GRB10: variants seen among roughly 807,000 people sequenced by gnomAD.
GRB10 encodes growth factor receptor bound protein 10, also known as growth factor receptor-bound protein 10.
In GRB10, 20 loss-of-function variants were observed where a neutral mutation model predicts 80.9. The ratio of observed to expected loss-of-function variants is 0.25; its 90% CI spans 0.17 to 0.36. The LOEUF (loss-of-function observed/expected upper bound fraction) is 0.36. GRB10 is among the 10% of genes least tolerant of loss of function. The pLI, the probability that GRB10 is intolerant of heterozygous loss-of-function variation, is 1.00. For synonymous variants in GRB10, 291 were observed against 291.5 expected (o/e 1.00, Z 0.02); for missense variants, 548 against 747.7 (o/e 0.73, Z 3.12).
intron 3 of GRB10, among the ~76,000 whole-genome samples, chr7:50,743,214 T>G (rs925613291): frequency 6.6e-6 from 1 of 152,204 alleles, no homozygotes; most frequent in Non-Finnish European, 1.5e-5. Context: ...TGCACATTAT[T>G]AGGTACAAGG....
chr7:50,759,671 C>T (rs540440735), intron 2 of GRB10, among the ~76,000 whole-genome samples: 74 of 152,170 alleles, frequency 4.9e-4, no homozygotes, highest in Middle Eastern at 3.4e-3. Context: ...TTAGTTGAAT[C>T]CAAGGATGTG....
chr7:50,703,756 A>C, intron 5 of GRB10, 65 bp downstream of exon 5: 1 of 1,119,964 alleles, frequency 8.9e-7, no homozygotes, highest in Non-Finnish European at 1.4e-6. Flanking sequence ...ATTTTAGAAT[A>C]TCAGATCTGG....
chr7:50,611,662 G>C (rs1216399038), intron 13 of GRB10, among the ~76,000 whole-genome samples: 2 of 152,154 alleles, frequency 1.3e-5, no homozygotes, highest in African/African-American at 4.8e-5. Flanking sequence ...CCTGCCAAGT[G>C]GATGGGACAA....
intron 7 of GRB10, among the ~76,000 whole-genome samples, chr7:50,666,171 T>C (rs1194965483): frequency 1.3e-5 from 2 of 152,210 alleles, no homozygotes; most frequent in African/African-American, 4.8e-5. Flanking sequence ...TGCCACGTCT[T>C]AGACTACCAA....
At chr7:50,625,949 A>G (rs1585895397) in intron 8 of GRB10, among the ~76,000 whole-genome samples, 1 of 152,264 alleles carries the variant, frequency 6.6e-6, no homozygotes, top group East Asian at 1.9e-4. Flanking sequence ...GGTTCATGAG[A>G]AAAATTTAGA....
chr7:50,593,435 A>G (rs2046073323), intron 18 of GRB10, among the ~76,000 whole-genome samples: 1 of 152,096 alleles, frequency 6.6e-6, no homozygotes, highest in African/African-American at 2.4e-5. Context: ...GTTAACTTGT[A>G]AGTACCCACT....
intron 5 of GRB10, among the ~76,000 whole-genome samples, chr7:50,692,052 T>C (rs1188756648): frequency 6.6e-6 from 1 of 152,218 alleles, no homozygotes; most frequent in African/African-American, 2.4e-5. Context: ...CAGAGTGTAC[T>C]TGCACATGTA....
chr7:50,673,319 C>T (rs1332888776), intron 6 of GRB10, among the ~76,000 whole-genome samples: 1 of 152,198 alleles, frequency 6.6e-6, no homozygotes, highest in Non-Finnish European at 1.5e-5. Context: ...ATCCCGACTG[C>T]GACAGGGCAG....
chr7:50,770,018 T>C (rs1009580575), intron 2 of GRB10, among the ~76,000 whole-genome samples: 2 of 152,054 alleles, frequency 1.3e-5, no homozygotes, highest in Non-Finnish European at 2.9e-5. Flanking sequence ...CAACAAACAC[T>C]GGGGGAAGAG....
chr7:50,705,215 G>A (rs1033164806), intron 4 of GRB10: 13 of 985,728 alleles, frequency 1.3e-5, no homozygotes, highest in Non-Finnish European at 4.8e-6. Flanking sequence ...GCAGAGGGTA[G>A]CCCAGGGGAC....
intron 5 of GRB10, among the ~76,000 whole-genome samples, chr7:50,679,905 T>C (rs1159277362): frequency 6.6e-6 from 1 of 152,256 alleles, no homozygotes; most frequent in Non-Finnish European, 1.5e-5. Context: ...ATTAAAACTT[T>C]GTGCAAATAT....
In GRB10 at chr7:50,674,418, C is replaced by A. The variant is rs1307264143; in HGVS notation, c.362+18G>T. ...TCTCATCCTTGGAGAAGGCTCTGCC[C>A]ATAAGGCCTGGACCTACCTGACAGC... is the stretch of plus-strand genomic sequence containing the variant. On this transcript the variant is annotated intron_variant, in intron 6 of 18. Transcript: ENST00000401949. 1.2e-6 allele frequency: 2 copies of A among 1,600,060 alleles called. No individual in the cohort carries two copies. Among genetic ancestry groups the A allele is most frequent in the South Asian group, 2.2e-5 (2 of 90,964 alleles).
At chr7:50,711,661 C>T (rs958851079) in intron 4 of GRB10, among the ~76,000 whole-genome samples, 1 of 152,274 alleles carries the variant, frequency 6.6e-6, no homozygotes, top group Non-Finnish European at 1.5e-5. Flanking sequence ...GCCTGATACC[C>T]TCTCTACCAA....
intron 2 of GRB10, among the ~76,000 whole-genome samples, chr7:50,770,679 G>C (rs536301845): frequency 2.0e-5 from 3 of 152,212 alleles, no homozygotes; most frequent in Non-Finnish European, 4.4e-5. Context: ...GCAGGTGGCA[G>C]GGGGATGGGG....
At position 50,591,749 on chromosome 7, in the gene GRB10, T is replaced by C. The variant is rs1338631571; in HGVS notation, c.*1203A>G. On this transcript the variant is annotated 3_prime_UTR_variant, in exon 19 of 19. Transcript: ENST00000401949. Reference sequence around the variant, plus strand: ...CCTAAGCCAGCAGAGGAGGAGCCTCTAGCTGCTCTGTGTTCACTGGCTTAT... The same window carrying C: ...CCTAAGCCAGCAGAGGAGGAGCCTCCAGCTGCTCTGTGTTCACTGGCTTAT... The C allele has an allele frequency of 3.3e-5, 5 of 152,362 alleles. No homozygotes were observed. Among genetic ancestry groups the C allele is most frequent in the Admixed American group, 6.5e-5 (1 of 15,304 alleles). 9.4% of individuals were successfully genotyped at this position (152,362 alleles called of 1,614,324 possible).
At chr7:50,693,177 T>A (rs550862782) in intron 5 of GRB10, among the ~76,000 whole-genome samples, 4 of 152,192 alleles carry the variant, frequency 2.6e-5, no homozygotes, top group Non-Finnish European at 5.9e-5. Context: ...AGCCAGGCTA[T>A]GTCCCTCGGC....
At chr7:50,679,643 C>T (rs2061343071) in intron 5 of GRB10, among the ~76,000 whole-genome samples, 1 of 152,160 alleles carries the variant, frequency 6.6e-6, no homozygotes, top group Non-Finnish European at 1.5e-5. Context: ...TACCCCCTTC[C>T]CCCATTTTCA....
Position 50,616,280 on chromosome 7 carries a change from T to C in GRB10, c.914A>G (p.Lys305Arg). 1 of 1,614,192 alleles carries C rather than the reference T, an allele frequency of 6.2e-7. No homozygotes were observed. The highest frequency in any genetic ancestry group is 8.5e-7 in the Non-Finnish European group (1 of 1,180,008). ...ACACACATACAGCTTTTTCCATGAT[T>C]TCTTTCCCAGCTCTTTCACATGCAA... is the stretch of plus-strand genomic sequence containing the variant. ...GFLHVKELGKKSWKKLYVCLR... is the reference protein window; with the variant it reads ...GFLHVKELGKRSWKKLYVCLR... The change falls in exon 11 of 19, where the codon AAA becomes AGA. Residue 305 changes from lysine to arginine, a missense_variant. Physicochemically the swap from Lys to Arg is conservative, Grantham distance 26. Coordinates refer to ENST00000401949, the MANE Select transcript of GRB10 (RefSeq NM_001350814.2).
chr7:50,674,545 G>A lies in GRB10; in HGVS notation c.253C>T (p.His85Tyr), dbSNP rs1168791112. Reference sequence around the variant, plus strand: ...GAAGCCCGAGGCTGGCTGCGGGCATGCTGGCCATTCTGCAGGAGGGGCACC... The same window carrying A: ...GAAGCCCGAGGCTGGCTGCGGGCATACTGGCCATTCTGCAGGAGGGGCACC... ...DTVPLLQNGQHARSQPRASGP... is the reference protein window; with the variant it reads ...DTVPLLQNGQYARSQPRASGP... Residue 85 changes from histidine to tyrosine, a missense_variant, in exon 6 of 19, where the codon CAT (histidine) becomes TAT (tyrosine). Transcript: ENST00000401949. The A allele has an allele frequency of 1.1e-5, 17 of 1,611,756 alleles. No homozygotes were observed. Among genetic ancestry groups the A allele is most frequent in the Non-Finnish European group, 1.4e-5 (16 of 1,180,016 alleles).
Sources: allele counts gnomAD v4.1 joint callset (sites outside exome capture counted in the v4.1 genomes callset), GRCh38; gene constraint gnomAD v4.1.1; transcripts MANE v1.5; gene names NCBI Gene and HGNC (gene_info 2026-07-23, HGNC 2026-07-21).